The following SRGAP2C variants were observed in gnomAD, a reference collection of about 807,000 sequenced individuals.
SRGAP2C encodes the protein SLIT-ROBO Rho GTPase-activating protein 2C.
SRGAP2C carries 15 observed loss-of-function variants against 25.1 expected under a neutral mutation model. That is an observed-to-expected ratio of 0.60 (90% CI 0.40 to 0.92). SRGAP2C has a LOEUF of 0.92. SRGAP2C is among the 40% of genes least tolerant of loss of function. The pLI is 0.00. For missense variants in SRGAP2C, 144 were observed against 264.4 expected, an observed-to-expected ratio of 0.54 and a Z score of 3.16; for synonymous variants, 44 against 96.6, an observed-to-expected ratio of 0.46 and a Z score of 3.19.
chr1:121,278,078 C>G (rs1278392808), intron 2 of SRGAP2C, among the ~76,000 whole-genome samples: 1 of 150,768 alleles, frequency 6.6e-6, no homozygotes, highest in African/African-American at 2.4e-5. Context: ...GTAGCTGGGA[C>G]TAAAGGCATG....
chr1:121,263,072 G>C (rs1656665948), intron 2 of SRGAP2C, among the ~76,000 whole-genome samples: 2 of 151,918 alleles, frequency 1.3e-5, no homozygotes, highest in Non-Finnish European at 2.9e-5. Flanking sequence ...AAGAATTTGA[G>C]ACTGGGTGTG....
intron 2 of SRGAP2C, among the ~76,000 whole-genome samples, chr1:121,191,488 G>A (rs587769260): frequency 1.7e-4 from 26 of 149,260 alleles, no homozygotes; most frequent in African/African-American, 6.2e-4. Context: ...TATGGAACCT[G>A]CAGGTATGGG....
chr1:121,226,036 G>A (rs1168418839), intron 2 of SRGAP2C, among the ~76,000 whole-genome samples: 3 of 152,038 alleles, frequency 2.0e-5, no homozygotes, highest in African/African-American at 7.2e-5. Context: ...AACCCAACAT[G>A]AGATGGTATT....
intron 3 of SRGAP2C, among the ~76,000 whole-genome samples, chr1:121,290,251 T>C (rs1249933132): frequency 6.6e-6 from 1 of 152,084 alleles, no homozygotes; most frequent in African/African-American, 2.4e-5. Flanking sequence ...ACTTAGCACT[T>C]AGCACTTAGA....
intron 2 of SRGAP2C, among the ~76,000 whole-genome samples, chr1:121,205,945 TC>T (rs1655096763): frequency 7.9e-6 from 1 of 126,302 alleles, no homozygotes; most frequent in Admixed American, 8.3e-5. Context: ...AGAAATGACA[TC>T]AGCCAGCAGA....
intron 4 of SRGAP2C, among the ~76,000 whole-genome samples, chr1:121,347,589 T>G (rs1428580288): frequency 4.6e-5 from 7 of 152,160 alleles, no homozygotes; most frequent in African/African-American, 1.7e-4. Flanking sequence ...CCATCTCAAC[T>G]TGCTGGTTTT....
intron 2 of SRGAP2C, among the ~76,000 whole-genome samples, chr1:121,249,574 A>ATTT (rs1325356455): frequency 8.3e-4 from 17 of 20,528 alleles, no homozygotes; most frequent in South Asian, 2.1e-3. Context: ...ATATATATAT[A>ATTT]TATATATTTT....
Position 121,388,026 on chromosome 1 carries a change from C to A in SRGAP2C, c.*171C>A. On this transcript the variant is annotated 3_prime_UTR_variant, in exon 10 of 10. Coordinates refer to ENST00000367123, the MANE Select transcript of SRGAP2C (RefSeq NM_001329984.2). ...AAAGTTGTATATGTCTAACAGGGAT[C>A]CGCCCAAGAGAAAGGATGCTCCCAA... 1 of 553,936 alleles carries A rather than the reference C, an allele frequency of 1.8e-6. No homozygotes were observed. The allele number at this position is 553,936 out of a possible 1,614,324, so 34.3% of individuals were successfully genotyped here. A position where few individuals can be genotyped will look rare whatever the true frequency, so the allele number is the denominator to read the frequency against.
chr1:121,272,160 C>A (rs1167948329), intron 2 of SRGAP2C, among the ~76,000 whole-genome samples: 30 of 9,182 alleles, frequency 3.3e-3, no homozygotes, highest in Non-Finnish European at 3.9e-3. Flanking sequence ...GACTCCATCT[C>A]AAAAAAAAAA....
At chr1:121,328,919 A>C (rs1333989064) in intron 4 of SRGAP2C, among the ~76,000 whole-genome samples, 1 of 145,238 alleles carries the variant, frequency 6.9e-6, no homozygotes, top group Non-Finnish European at 1.5e-5. Flanking sequence ...AAAACAAAAA[A>C]CAAAACAGAG....
At chr1:121,238,538 A>G (rs1300410000) in intron 2 of SRGAP2C, among the ~76,000 whole-genome samples, 4 of 152,020 alleles carry the variant, frequency 2.6e-5, no homozygotes, top group Admixed American at 2.6e-4. Flanking sequence ...CATAATTTGC[A>G]TTTGTATCTT....
intron 4 of SRGAP2C, among the ~76,000 whole-genome samples, chr1:121,354,314 C>CTTTCTTTCTT (rs1553347085): frequency 5.9e-5 from 3 of 50,710 alleles, no homozygotes. Context: ...TTCTTTCTTT[C>CTTTCTTTCTT]TTTCTTTCTT....
chr1:121,280,592 G>A (rs1392650889), intron 2 of SRGAP2C, among the ~76,000 whole-genome samples: 1 of 151,810 alleles, frequency 6.6e-6, no homozygotes, highest in African/African-American at 2.4e-5. Flanking sequence ...GCTCTACTGG[G>A]CACTCAGGGG....
At chr1:121,237,418 G>T (rs368866432) in intron 2 of SRGAP2C, among the ~76,000 whole-genome samples, 1 of 152,136 alleles carries the variant, frequency 6.6e-6, no homozygotes, top group Non-Finnish European at 1.5e-5. Context: ...TCAGAGTAGC[G>T]TGTAGAGTGG....
intron 3 of SRGAP2C, among the ~76,000 whole-genome samples, chr1:121,298,430 G>A (rs1553338511): frequency 8.2e-6 from 1 of 122,148 alleles, no homozygotes; most frequent in Non-Finnish European, 1.7e-5. Flanking sequence ...GCCTCCTGCA[G>A]TATCTACCAT....
intron 5 of SRGAP2C, among the ~76,000 whole-genome samples, chr1:121,372,162 C>T (rs1553351345): frequency 1.3e-5 from 2 of 151,430 alleles, no homozygotes; most frequent in African/African-American, 4.9e-5. Context: ...CAAAATGAGA[C>T]ATAATTTAGA....
At chr1:121,326,411 C>A (rs1468420992) in intron 4 of SRGAP2C, among the ~76,000 whole-genome samples, 1 of 75,534 alleles carries the variant, frequency 1.3e-5, no homozygotes, top group Non-Finnish European at 2.5e-5. Flanking sequence ...CACGAGTGTT[C>A]CTGGCTCTTC....
chr1:121,273,665 T>A (rs201826300), intron 2 of SRGAP2C, among the ~76,000 whole-genome samples: 2 of 151,918 alleles, frequency 1.3e-5, no homozygotes, highest in East Asian at 3.9e-4. Flanking sequence ...CATCTTCACG[T>A]AACTATGTGA....
At chr1:121,303,576 G>T (rs1657747045) in intron 3 of SRGAP2C, among the ~76,000 whole-genome samples, 1 of 149,824 alleles carries the variant, frequency 6.7e-6, no homozygotes, top group African/African-American at 2.5e-5. Flanking sequence ...AGAAGCCATG[G>T]ATGCTAAATA....
Sources: allele counts gnomAD v4.1 joint callset (sites outside exome capture counted in the v4.1 genomes callset), GRCh38; gene constraint gnomAD v4.1.1; transcripts MANE v1.5; gene names NCBI Gene and HGNC (gene_info 2026-07-23, HGNC 2026-07-21).